The following ANPEP variants were observed in gnomAD, a reference collection of about 807,000 sequenced individuals.
ANPEP encodes alanyl aminopeptidase, membrane.
A neutral mutation model predicts 114.6 loss-of-function variants in ANPEP; 70 were observed. The ratio of observed to expected loss-of-function variants is 0.61; its 90% CI spans 0.50 to 0.75. The LOEUF is 0.75. ANPEP is among the 30% of genes least tolerant of loss of function. The probability of loss-of-function intolerance (pLI) is 0.00; values close to 1 mark genes in which losing one functional copy is unlikely to be tolerated. For missense variants in ANPEP, 1,184 were observed against 1,259.5 expected, an observed-to-expected ratio of 0.94 and a Z score of 0.91; for synonymous variants, 548 against 522.3, an observed-to-expected ratio of 1.05 and a Z score of -0.67.
At chr15:89,809,729 G>A (rs1050953836) in intron 1 of ANPEP, among the ~76,000 whole-genome samples, 1 of 152,238 alleles carries the variant, frequency 6.6e-6, no homozygotes, top group Admixed American at 6.5e-5. Context: ...CTCTGCCTAA[G>A]AGTGTGGGTG....
intron 18 of ANPEP, 93 bp from the exon 19 acceptor site, chr15:89,791,186 CCT>C (rs1968617141): frequency 4.3e-6 from 6 of 1,409,016 alleles, no homozygotes; most frequent in Non-Finnish European, 5.9e-6. Flanking sequence ...ATGCCTGCAT[CCT>C]CTCAACATCC....
chr15:89,801,268 T>A, intron 11 of ANPEP, 81 bp from the exon 12 acceptor site: 1 of 1,559,242 alleles, frequency 6.4e-7, no homozygotes, highest in Non-Finnish European at 8.8e-7. Flanking sequence ...GCTCCCAGCT[T>A]CTGCCCAGCT....
chr15:89,788,205 C>T (rs1053541846), intron 20 of ANPEP, among the ~76,000 whole-genome samples: 1 of 152,134 alleles, frequency 6.6e-6, no homozygotes, highest in African/African-American at 2.4e-5. Flanking sequence ...TTCATCACAG[C>T]CAGAAGACTG....
At position 89,805,206 on chromosome 15, in the gene ANPEP, G is replaced by T. The variant is rs773416610; in HGVS notation, c.769C>A (p.Pro257Thr). The change falls in exon 4 of 21, where the codon CCA (proline) becomes ACA (threonine). Residue 257 changes from proline (P) to threonine (T), a missense_variant. Pro to Thr is a conservative substitution (Grantham distance 38). Transcript: ENST00000300060. ...SNMLPKGPST[P>T]LPEDPNWNVT... ...TTCCAGTTGGGGTCTTCTGGAAGTG[G>T]GGTGCTGGGACCTGGGCAGGGAGCA... 1.2e-6 allele frequency: 2 copies of T among 1,614,194 alleles called. No homozygotes were observed. Among genetic ancestry groups the T allele is most frequent in the Non-Finnish European group, 1.7e-6 (2 of 1,180,030 alleles).
intron 1 of ANPEP, among the ~76,000 whole-genome samples, chr15:89,808,467 G>A (rs1052624554): frequency 4.6e-5 from 7 of 152,238 alleles, no homozygotes; most frequent in Non-Finnish European, 7.3e-5. Context: ...ACAGTGCCTG[G>A]CACACAGTAG....
rs371239529 is a variant in ANPEP, at chr15:89,803,716, G to T, written c.1368C>A (p.Ser456=). Residue 456 remains serine (S), a synonymous_variant, in exon 8 of 21, where the codon TCC becomes TCA. Coordinates refer to ENST00000300060, the MANE Select transcript of ANPEP (RefSeq NM_001150.3). The surrounding 1 kb of genome is among the most constrained non-coding windows in gnomAD (Gnocchi z 4.2). ...GCGTGTTGATCTCCGAGGCGGGTGT[G>T]GACAGCGGGTGGGAGGAGGCCAGTG... ...VDALASSHPL[S]TPASEINTPA... 4.3e-6 allele frequency: 7 copies of T among 1,612,594 alleles called. No homozygotes were observed. The highest frequency in any genetic ancestry group is 5.1e-6 in the Non-Finnish European group (6 of 1,179,408).
At chr15:89,790,830 CA>C in intron 19 of ANPEP, 122 bp downstream of exon 19, 1 of 1,280,824 alleles carries the variant, frequency 7.8e-7, no homozygotes, top group Non-Finnish European at 1.1e-6. Flanking sequence ...CCCTAGCCCC[CA>C]GGCTTGGCTG....
chr15:89,809,573 C>T (rs1033133192), intron 1 of ANPEP, among the ~76,000 whole-genome samples: 1 of 152,190 alleles, frequency 6.6e-6, no homozygotes, highest in African/African-American at 2.4e-5. Flanking sequence ...CTCTGCAGCC[C>T]CCACCTTCAG....
At chr15:89,802,673 A>T (rs1894619743) in intron 10 of ANPEP, 1 of 146,250 alleles carries the variant, frequency 6.8e-6, no homozygotes, top group Admixed American at 6.9e-5. Flanking sequence ...GAGGAGGTGG[A>T]CTCCAACCCT....
Position 89,803,762 on chromosome 15 carries a change from T to C in ANPEP, c.1322A>G (p.Tyr441Cys), listed in dbSNP as rs371985741. 353 of 1,609,606 alleles carry C rather than the reference T, an allele frequency of 2.2e-4. No homozygotes were observed. Among genetic ancestry groups the C allele is most frequent in the Non-Finnish European group, 2.9e-4 (337 of 1,177,014 alleles). Residue 441 changes from tyrosine (Y) to cysteine (C), a missense_variant, in exon 8 of 21, where the codon TAC becomes TGC. Transcript: ENST00000300060. The surrounding 1 kb of genome is among the most constrained non-coding windows in gnomAD (Gnocchi z 4.2). ...LKDLMVLNDVYRVMAVDALAS... is the reference protein window; with the variant it reads ...LKDLMVLNDVCRVMAVDALAS... The stretch of plus-strand genomic sequence containing the variant: ...CAGTGCATCCACTGCCATCACGCGG[T>C]ACACATCATTCAGCACCATGAGGTC...
chr15:89,804,650 C>A, intron 4 of ANPEP, 33 bp from the exon 5 acceptor site: 1 of 1,605,334 alleles, frequency 6.2e-7, no homozygotes. Context: ...AGACCAGGGG[C>A]TCCTGTTTGA....
chr15:89,803,116 C>A lies in ANPEP; in HGVS notation c.1569+123G>T. On this transcript the variant is annotated intron_variant, in intron 10 of 20. Transcript: ENST00000300060. The surrounding 1 kb of genome is among the most constrained non-coding windows in gnomAD (Gnocchi z 4.2). ...AGGGAGGAGCAACAGAGGCTCCATC[C>A]ACCCTGCAGGGCTGGTCAGCCGCGG... 2 of 1,099,974 alleles carry A rather than the reference C, an allele frequency of 1.8e-6. No homozygotes were observed. Among genetic ancestry groups the A allele is most frequent in the Non-Finnish European group, 1.4e-6 (1 of 726,270 alleles). The allele number at this position is 1,099,974 out of a possible 1,614,324, so 68.1% of individuals were successfully genotyped here.
rs755535670 is a variant in ANPEP at position 89,799,306 on chromosome 15, C to G, written c.1963G>C (p.Val655Leu). Residue 655 changes from valine (V) to leucine (L), a missense_variant, in exon 14 of 21, where the codon GTC becomes CTC. By Grantham distance (32) the Val-to-Leu change is conservative (BLOSUM62 1). Transcript: ENST00000300060. The surrounding 1 kb of genome is among the most constrained non-coding windows in gnomAD (Gnocchi z 4.2). ...TTAATGATCTGTGCCCGATTGATGA[C>G]AGGGATGGCCTAGAATGCGAAGCAC... is the stretch of plus-strand genomic sequence containing the variant. ...QLQRDHSAIP[V>L]INRAQIINDA... 1.7e-5 allele frequency: 27 copies of G among 1,614,088 alleles called. No homozygotes were observed. Among genetic ancestry groups the G allele is most frequent in the Non-Finnish European group, 2.3e-5 (27 of 1,180,050 alleles).
At chr15:89,805,782 G>A (rs1894698060) in intron 2 of ANPEP, among the ~76,000 whole-genome samples, 188 bp downstream of exon 2, 1 of 152,162 alleles carries the variant, frequency 6.6e-6, no homozygotes, top group Non-Finnish European at 1.5e-5. Flanking sequence ...CTGGTGAGGG[G>A]TGGGGAAGCC....
chr15:89,805,887 C>A, intron 2 of ANPEP, 83 bp downstream of exon 2: 1 of 1,515,490 alleles, frequency 6.6e-7, no homozygotes, highest in East Asian at 2.3e-5. Context: ...GGCCTGCAAG[C>A]TAAGTCCTTC....
At chr15:89,792,016 T>C in intron 18 of ANPEP, 144 bp downstream of exon 18, 4 of 963,144 alleles carry the variant, frequency 4.2e-6, no homozygotes, top group East Asian at 2.6e-5. Context: ...GCTTCCAGTC[T>C]GCACCGGTTA....
Position 89,805,091 on chromosome 15 carries a change from G to A in ANPEP, c.884C>T (p.Ser295Phe). 6.2e-7 allele frequency: 1 copy of A among 1,614,260 alleles called. No individual in the cohort carries two copies. Among genetic ancestry groups the A allele is most frequent in the South Asian group, 1.1e-5 (1 of 91,092 alleles). Reference protein sequence around the residue: ...SEFDYVEKQASNGVLIRIWAR... With the variant: ...SEFDYVEKQAFNGVLIRIWAR... ...CCAGCCTCATACCAAGACACCATTGGATGCCTGCTTCTCCACGTAGTCGAA... is the reference window on the plus strand; with the variant it reads ...CCAGCCTCATACCAAGACACCATTGAATGCCTGCTTCTCCACGTAGTCGAA... Residue 295 changes from serine (S) to phenylalanine (F), a missense_variant, in exon 4 of 21, where the codon TCC becomes TTC. Ser to Phe is a radical substitution (Grantham distance 155). Transcript: ENST00000300060.
chr15:89,797,597 G>A lies in ANPEP; in HGVS notation c.2135C>T (p.Ser712Phe), dbSNP rs780926154. Residue 712 changes from serine (S) to phenylalanine (F), a missense_variant, in exon 15 of 21, where the codon TCC becomes TTC. Coordinates refer to ENST00000300060, the MANE Select transcript of ANPEP (RefSeq NM_001150.3). ...TACCTTCATGGGGCCATAGACCTCG[G>A]AGCGGTCAAACATGAGCTTGAAGTA... ...LSYFKLMFDRSEVYGPMKNYL... is the reference protein window; with the variant it reads ...LSYFKLMFDRFEVYGPMKNYL... 1 of 1,614,104 alleles carries A rather than the reference G, an allele frequency of 6.2e-7. No homozygotes were observed. The highest frequency in any genetic ancestry group is 1.1e-5 in the South Asian group (1 of 91,080).
chr15:89,813,279 C>A (rs71405666), intron 1 of ANPEP, among the ~76,000 whole-genome samples: 25,582 of 152,166 alleles, frequency 0.17, 2,748 homozygotes, highest in South Asian at 0.29. Context: ...ACATGGGGAC[C>A]CCCATCTATG....
Sources: allele counts gnomAD v4.1 joint callset (sites outside exome capture counted in the v4.1 genomes callset), GRCh38; gene constraint gnomAD v4.1.1; non-coding constraint Gnocchi (gnomAD v3.1); transcripts MANE v1.5; gene names NCBI Gene and HGNC (gene_info 2026-07-23, HGNC 2026-07-21).